The following DACH2 variants were observed in gnomAD, a reference collection of about 807,000 sequenced individuals.
DACH2 encodes the protein dachshund family transcription factor 2, also known as dachshund homolog 2.
In DACH2, 17 loss-of-function variants were observed where a neutral mutation model predicts 35.8. The ratio of observed to expected loss-of-function variants is 0.48; its 90% CI spans 0.33 to 0.71. The LOEUF (loss-of-function observed/expected upper bound fraction) is 0.71. DACH2 is among the 30% of genes least tolerant of loss of function. The probability of loss-of-function intolerance (pLI) is 0.02; values close to 1 mark genes in which losing one functional copy is unlikely to be tolerated. For missense variants in DACH2, 469 were observed against 472.7 expected (o/e 0.99, Z 0.07); for synonymous variants, 195 against 177.3 (o/e 1.10, Z -0.79).
At chrX:86,220,939 T>G (rs1447453435) in intron 1 of DACH2, among the ~76,000 whole-genome samples, 1 of 112,062 alleles carries the variant, frequency 8.9e-6, no homozygotes, top group Non-Finnish European at 1.9e-5. Flanking sequence ...CTAATTGTGG[T>G]TTTGATGTGC....
intron 7 of DACH2, among the ~76,000 whole-genome samples, chrX:86,801,472 G>T (rs1343269): frequency 0.33 from 36,694 of 110,597 alleles, 4,849 homozygotes; most frequent in Middle Eastern, 0.44. Flanking sequence ...CACATACGTG[G>T]GTGTGCGTGA....
At chrX:86,325,141 G>A (rs749806291) in intron 1 of DACH2, among the ~76,000 whole-genome samples, 1 of 111,370 alleles carries the variant, frequency 9.0e-6, no homozygotes, top group Non-Finnish European at 1.9e-5. Context: ...CTTTTTTGTG[G>A]TGGCCTGAAA....
rs183906845 is a variant in DACH2 at position 86,746,263 on chromosome X, A to G, written c.1240+6381A>G. ...TTGTGTTTTCATTTCACATGTATAT[A>G]TACTTAGGAGTGAAATTGATGTGTC... On this transcript the variant is annotated intron_variant, in intron 7 of 11. Transcript: ENST00000373125. 4.7e-3 allele frequency among the ~76,000 whole-genome samples: 527 copies of G among 111,488 alleles called. 2 individuals are homozygous for G. Among genetic ancestry groups the G allele is most frequent in the Non-Finnish European group, 7.5e-3 (395 of 53,020 alleles).
chrX:86,206,330 T>C (rs2032311752), intron 1 of DACH2, among the ~76,000 whole-genome samples: 2 of 111,802 alleles, frequency 1.8e-5, no homozygotes, highest in African/African-American at 6.5e-5. Flanking sequence ...CCTCTCCTAG[T>C]TAGCGTTCTG....
At chrX:86,745,547 C>G (rs756193381) in intron 7 of DACH2, among the ~76,000 whole-genome samples, 2 of 111,335 alleles carry the variant, frequency 1.8e-5, no homozygotes, top group Admixed American at 1.9e-4. Flanking sequence ...TTAGTTCTCT[C>G]TCTTAGCCTC....
At chrX:86,444,623 G>A (rs922591311) in intron 2 of DACH2, among the ~76,000 whole-genome samples, 1 of 111,403 alleles carries the variant, frequency 9.0e-6, no homozygotes, top group Non-Finnish European at 1.9e-5. Flanking sequence ...GGTATCAGTT[G>A]TAATATCTCC....
At chrX:86,195,892 A>G (rs2031968145) in intron 1 of DACH2, among the ~76,000 whole-genome samples, 1 of 111,699 alleles carries the variant, frequency 9.0e-6, no homozygotes, top group Non-Finnish European at 1.9e-5. Context: ...TACCATAATC[A>G]AACCCTCAAG....
At chrX:86,399,933 G>T (rs1468029020) in intron 2 of DACH2, among the ~76,000 whole-genome samples, 1 of 111,710 alleles carries the variant, frequency 9.0e-6, no homozygotes, top group African/African-American at 3.3e-5. Context: ...GGCCTGCCTT[G>T]CTAGATTGGG....
chrX:86,270,294 G>A (rs898062824), intron 1 of DACH2, among the ~76,000 whole-genome samples: 27 of 110,436 alleles, frequency 2.4e-4, no homozygotes, highest in Non-Finnish European at 4.2e-4. Context: ...ATATGGCTTT[G>A]AATGCTAATG....
chrX:86,217,260 C>A (rs7059515), intron 1 of DACH2, among the ~76,000 whole-genome samples: 2,733 of 110,464 alleles, frequency 0.025, 88 homozygotes, highest in African/African-American at 0.085. Context: ...ATAAATATAG[C>A]AAGTAAAATG....
intron 1 of DACH2, among the ~76,000 whole-genome samples, chrX:86,303,572 G>A (rs1156526714): frequency 9.0e-6 from 1 of 110,808 alleles, no homozygotes; most frequent in East Asian, 2.8e-4. Context: ...TCAAGTATCA[G>A]TTGGGAAGTG....
intron 3 of DACH2, among the ~76,000 whole-genome samples, chrX:86,535,470 G>A (rs1569431740): frequency 9.0e-6 from 1 of 111,686 alleles, no homozygotes; most frequent in East Asian, 2.8e-4. Flanking sequence ...ATGGGAAGCA[G>A]GGGTCAGGAT....
intron 1 of DACH2, among the ~76,000 whole-genome samples, chrX:86,367,145 A>G (rs972145309): frequency 3.6e-5 from 4 of 111,270 alleles, no homozygotes; most frequent in Non-Finnish European, 7.5e-5. Flanking sequence ...AATAATATAA[A>G]CATATCAATG....
chrX:86,189,220 T>C (rs1252511867), intron 1 of DACH2, among the ~76,000 whole-genome samples: 1 of 111,891 alleles, frequency 8.9e-6, no homozygotes, highest in African/African-American at 3.2e-5. Context: ...GTGTGGGTAG[T>C]TAGTAGTCCT....
chrX:86,504,266 A>G (rs1379402487), intron 2 of DACH2, among the ~76,000 whole-genome samples: 1 of 110,913 alleles, frequency 9.0e-6, no homozygotes, highest in East Asian at 2.8e-4. Context: ...AGGTAAATTC[A>G]AGCAGCATTT....
intron 3 of DACH2, among the ~76,000 whole-genome samples, chrX:86,529,006 T>C (rs186984046): frequency 1.4e-4 from 16 of 111,869 alleles, no homozygotes; most frequent in African/African-American, 5.2e-4. Context: ...TGTAGTCACA[T>C]AGTCACCCTA....
At chrX:86,639,875 T>A (rs1206394627) in intron 3 of DACH2, among the ~76,000 whole-genome samples, 1 of 111,276 alleles carries the variant, frequency 9.0e-6, no homozygotes, top group Non-Finnish European at 1.9e-5. Context: ...GGGTGCCTGA[T>A]CCTATTTATC....
chrX:86,442,349 A>C (rs1381963753), intron 2 of DACH2, among the ~76,000 whole-genome samples: 1 of 59,719 alleles, frequency 1.7e-5, no homozygotes, highest in Non-Finnish European at 3.1e-5. Flanking sequence ...ATTTTTAAGT[A>C]GTATTTTGTG....
chrX:86,801,498 G>A (rs2042294100), intron 7 of DACH2, among the ~76,000 whole-genome samples: 1 of 112,152 alleles, frequency 8.9e-6, no homozygotes, highest in Non-Finnish European at 1.9e-5. Context: ...AGAAGGAGAT[G>A]ACTAATGAAA....
Sources: allele counts gnomAD v4.1 joint callset (sites outside exome capture counted in the v4.1 genomes callset), GRCh38; gene constraint gnomAD v4.1.1; transcripts MANE v1.5; gene names NCBI Gene and HGNC (gene_info 2026-07-23, HGNC 2026-07-21).